The following WDR72 variants were observed in gnomAD, a reference collection of about 807,000 sequenced individuals.
The protein encoded by WDR72 is WD repeat-containing protein 72.
In WDR72, 120 loss-of-function variants were observed where a neutral mutation model predicts 124.2. That is an observed-to-expected ratio of 0.97 (90% CI 0.83 to 1.12). The LOEUF (loss-of-function observed/expected upper bound fraction) is 1.12. Among genes scored for constraint, WDR72 ranks in the 50% most tolerant of loss-of-function variants. The probability of loss-of-function intolerance (pLI) is 0.00; values close to 1 mark genes in which losing one functional copy is unlikely to be tolerated. For synonymous variants in WDR72, 452 were observed against 441.7 expected (o/e 1.02, Z -0.29); for missense variants, 1,387 against 1,278.8 (o/e 1.08, Z -1.29).
At position 53,711,318 on chromosome 15, in the gene WDR72, G is replaced by A. The variant is rs370920198; in HGVS notation, c.857+18C>T. The A allele has an allele frequency of 2.8e-5, 45 of 1,613,788 alleles. No homozygotes were observed. Among genetic ancestry groups the A allele is most frequent in the African/African-American group, 1.1e-4 (8 of 74,862 alleles). ...TTTCTACCTGAATGTTTTGTATGCCGCTCCCATCTGAGCCCACCTGTTCAG... is the reference window on the plus strand; with the variant it reads ...TTTCTACCTGAATGTTTTGTATGCCACTCCCATCTGAGCCCACCTGTTCAG... On this transcript the variant is annotated intron_variant, in intron 8 of 19. Coordinates refer to ENST00000360509, the MANE Select transcript of WDR72 (RefSeq NM_182758.4).
At chr15:53,615,081 C>T (rs1381596808) in intron 15 of WDR72, among the ~76,000 whole-genome samples, 8 of 151,826 alleles carry the variant, frequency 5.3e-5, no homozygotes, top group African/African-American at 9.7e-5. Flanking sequence ...GATTTCAAGA[C>T]GTATATGTGT....
intron 14 of WDR72, among the ~76,000 whole-genome samples, chr15:53,621,291 G>T (rs541975445): frequency 1.1e-3 from 171 of 151,524 alleles, no homozygotes; most frequent in African/African-American, 3.9e-3. Flanking sequence ...CCCACTACTG[G>T]GTATGCACCC....
intron 13 of WDR72, among the ~76,000 whole-genome samples, chr15:53,692,157 T>G (rs1268651083): frequency 6.6e-6 from 1 of 152,234 alleles, no homozygotes; most frequent in Non-Finnish European, 1.5e-5. Context: ...TACTTATCAG[T>G]ACACTTGGAC....
intron 18 of WDR72, among the ~76,000 whole-genome samples, chr15:53,591,077 C>T (rs8038018): frequency 0.2 from 30,650 of 151,830 alleles, 4,735 homozygotes; most frequent in African/African-American, 0.44. Context: ...CTTTCCCCAC[C>T]CCAACTTTTT....
chr15:53,682,739 T>G (rs1397593567), intron 13 of WDR72, among the ~76,000 whole-genome samples: 4 of 152,208 alleles, frequency 2.6e-5, no homozygotes, highest in Admixed American at 2.6e-4. Flanking sequence ...ATATACTTCC[T>G]GTCTTCTTCT....
rs187805369 is a variant in WDR72, at chr15:53,629,870, G to A, written c.1963-13627C>T. 4.9e-4 allele frequency among the ~76,000 whole-genome samples: 75 copies of A among 152,178 alleles called. 1 individual carries two copies. The highest frequency in any genetic ancestry group is 1.7e-3 in the African/African-American group (69 of 41,530). ...TATGTTTGGAGACCCTCAAAAATCC[G>A]CATCCCCACAAAATTGGCAATATTT... is the stretch of plus-strand genomic sequence containing the variant. On this transcript the variant is annotated intron_variant, in intron 14 of 19. Transcript: ENST00000360509.
rs1053890855 is a variant in WDR72, at chr15:53,600,963, C to G, written c.2953-3689G>C. 2.0e-5 allele frequency among the ~76,000 whole-genome samples: 3 copies of G among 152,150 alleles called. No homozygotes were observed. In the South Asian group the frequency reaches 6.2e-4, roughly 31 times the overall value. ...GCAAAACAGACAATCTCTAGACAAA[C>G]TTATTCATCAGCAAAATTAATTCAT... On this transcript the variant is annotated intron_variant, in intron 17 of 19. Transcript: ENST00000360509.
chr15:53,567,671 A>C (rs77840198), intron 18 of WDR72, among the ~76,000 whole-genome samples: 1,607 of 152,100 alleles, frequency 0.011, 36 homozygotes, highest in African/African-American at 0.037. Context: ...GACTGGACCA[A>C]ACTACAGAAT....
chr15:53,644,147 G>A (rs1338318258), intron 14 of WDR72, among the ~76,000 whole-genome samples: 2 of 151,988 alleles, frequency 1.3e-5, no homozygotes, highest in Non-Finnish European at 2.9e-5. Context: ...ATATTTGAGA[G>A]GGTATCCATA....
intron 18 of WDR72, among the ~76,000 whole-genome samples, chr15:53,526,987 G>A (rs1167341721): frequency 1.3e-5 from 2 of 152,010 alleles, no homozygotes; most frequent in African/African-American, 2.4e-5. Flanking sequence ...AAATATCTTT[G>A]CAATATCTTT....
At chr15:53,560,692 G>A (rs1397605456) in intron 18 of WDR72, among the ~76,000 whole-genome samples, 2 of 151,814 alleles carry the variant, frequency 1.3e-5, no homozygotes, top group African/African-American at 2.4e-5. Context: ...GTTGCTTTGA[G>A]CAGTTTCAAT....
chr15:53,628,967 G>A (rs2014314441), intron 14 of WDR72, among the ~76,000 whole-genome samples: 1 of 152,170 alleles, frequency 6.6e-6, no homozygotes, highest in South Asian at 2.1e-4. Flanking sequence ...TAAGGCTTTA[G>A]AGTCAACTTC....
chr15:53,680,905 T>G (rs1366300099), intron 13 of WDR72, among the ~76,000 whole-genome samples: 1 of 152,228 alleles, frequency 6.6e-6, no homozygotes, highest in Non-Finnish European at 1.5e-5. Context: ...TGGGATGCAC[T>G]GACAAGGCTG....
At chr15:53,537,078 T>A (rs1277621893) in intron 18 of WDR72, among the ~76,000 whole-genome samples, 3 of 152,178 alleles carry the variant, frequency 2.0e-5, no homozygotes, top group African/African-American at 7.2e-5. Flanking sequence ...TAATCTCACA[T>A]TAAATCTAAT....
chr15:53,543,134 C>G (rs1893240714), intron 18 of WDR72, among the ~76,000 whole-genome samples: 2 of 138,840 alleles, frequency 1.4e-5, no homozygotes, highest in Admixed American at 1.5e-4. Context: ...CAGCTCTGCA[C>G]CAAGCGGACC....
At chr15:53,611,007 A>G (rs950268369) in intron 16 of WDR72, among the ~76,000 whole-genome samples, 6 of 152,098 alleles carry the variant, frequency 3.9e-5, no homozygotes, top group African/African-American at 7.2e-5. Context: ...ATGAGAGCCA[A>G]CTTATCTTGG....
intron 18 of WDR72, among the ~76,000 whole-genome samples, chr15:53,543,284 A>G (rs1412571665): frequency 3.3e-5 from 5 of 151,000 alleles, no homozygotes; most frequent in East Asian, 2.0e-4. Flanking sequence ...CAGAGATTAT[A>G]ACAAACTATC....
chr15:53,583,756 A>T (rs981867047), intron 18 of WDR72, among the ~76,000 whole-genome samples: 3 of 151,988 alleles, frequency 2.0e-5, no homozygotes, highest in African/African-American at 7.2e-5. Context: ...TGATGCTGCC[A>T]AATTTCAGCA....
intron 3 of WDR72, among the ~76,000 whole-genome samples, chr15:53,717,143 G>C (rs140421800): frequency 6.0e-4 from 91 of 151,936 alleles, no homozygotes; most frequent in African/African-American, 2.1e-3. Flanking sequence ...GTCTATCATC[G>C]ATAACAGTTT....
Sources: allele counts gnomAD v4.1 joint callset (sites outside exome capture counted in the v4.1 genomes callset), GRCh38; gene constraint gnomAD v4.1.1; transcripts MANE v1.5; gene names NCBI Gene and HGNC (gene_info 2026-07-23, HGNC 2026-07-21).